TMEM132C: variants seen among roughly 807,000 people sequenced by gnomAD.
TMEM132C encodes protein phosphatase 1, regulatory subunit 152.
Under a neutral mutation model 61.4 loss-of-function variants are expected in TMEM132C, and 29 were observed. The ratio of observed to expected loss-of-function variants is 0.47; its 90% confidence interval spans 0.35 to 0.64. TMEM132C has a LOEUF of 0.64. Among genes scored for constraint, TMEM132C ranks in the 30% least tolerant of loss-of-function variants. The probability of loss-of-function intolerance (pLI) is 0.00; values close to 1 mark genes in which losing one functional copy is unlikely to be tolerated. For synonymous variants in TMEM132C, 656 were observed against 633.1 expected (o/e 1.04, Z -0.54); for missense variants, 1,408 against 1,476.9 (o/e 0.95, Z 0.76).
At chr12:128,322,583 A>C (rs559547888) in intron 1 of TMEM132C, among the ~76,000 whole-genome samples, 1 of 152,318 alleles carries the variant, frequency 6.6e-6, no homozygotes, top group South Asian at 2.1e-4. Flanking sequence ...GGTCTGAGTC[A>C]ATTTCATCTT....
intron 1 of TMEM132C, among the ~76,000 whole-genome samples, chr12:128,333,599 G>C (rs1474579304): frequency 1.3e-5 from 2 of 151,456 alleles, no homozygotes; most frequent in African/African-American, 4.9e-5. Context: ...GATGTTGTGT[G>C]TATTTGTTAG....
intron 1 of TMEM132C, among the ~76,000 whole-genome samples, chr12:128,351,432 T>G (rs1165774691): frequency 6.6e-6 from 1 of 152,206 alleles, no homozygotes; most frequent in Non-Finnish European, 1.5e-5. Flanking sequence ...CATATATTGA[T>G]ATATATGAAT....
chr12:128,342,327 A>G (rs1161320864), intron 1 of TMEM132C, among the ~76,000 whole-genome samples: 1 of 152,134 alleles, frequency 6.6e-6, no homozygotes, highest in Non-Finnish European at 1.5e-5. Flanking sequence ...CGCTTCTTTG[A>G]AATTGTTCAG....
chr12:128,282,924 G>A (rs1433116313), intron 1 of TMEM132C, among the ~76,000 whole-genome samples: 1 of 152,124 alleles, frequency 6.6e-6, no homozygotes, highest in African/African-American at 2.4e-5. Context: ...GGTTGCATGG[G>A]ATTTAAATGT....
chr12:128,539,835 A>G (rs2136144102), intron 2 of TMEM132C, among the ~76,000 whole-genome samples: 1 of 152,230 alleles, frequency 6.6e-6, no homozygotes, highest in South Asian at 2.1e-4. Context: ...TCCAAAATGT[A>G]TTGATCACGT....
In TMEM132C at chr12:128,613,587, C is replaced by T. The variant is rs147353095; in HGVS notation, c.1122-2565C>T. On this transcript the variant is annotated intron_variant, in intron 3 of 8. Transcript: ENST00000435159. ...GCAGCCCCTAGCTTGATGGTCAAGA[C>T]CTTAGATTTCTTTTCCCTCCCAGAG... is the stretch of plus-strand genomic sequence containing the variant. Among the ~76,000 whole-genome samples the T allele has an allele frequency of 1.6e-4, 24 of 152,316 alleles. No homozygotes were observed. The East Asian group carries it at 4.4e-3, about 28-fold the overall frequency.
chr12:128,675,363 A>T (rs528375985), intron 5 of TMEM132C, among the ~76,000 whole-genome samples: 6 of 152,216 alleles, frequency 3.9e-5, no homozygotes, highest in Non-Finnish European at 8.8e-5. Context: ...GGCTCAGCAA[A>T]TGGAGGCCAC....
chr12:128,331,559 C>T (rs191170106), intron 1 of TMEM132C, among the ~76,000 whole-genome samples: 122 of 152,256 alleles, frequency 8.0e-4, no homozygotes, highest in East Asian at 2.3e-3. Context: ...AGGATAATGT[C>T]CTCCAGTTCC....
intron 3 of TMEM132C, among the ~76,000 whole-genome samples, chr12:128,573,541 T>C (rs1252575457): frequency 2.0e-5 from 3 of 151,974 alleles, no homozygotes; most frequent in African/African-American, 7.3e-5. Flanking sequence ...ACATGGCACA[T>C]GTATACATAT....
intron 5 of TMEM132C, among the ~76,000 whole-genome samples, chr12:128,678,539 T>C (rs1371338520): frequency 1.3e-5 from 2 of 152,244 alleles, no homozygotes; most frequent in African/African-American, 4.8e-5. Flanking sequence ...AAGATTGTTT[T>C]GAGTTTGAAC....
chr12:128,312,861 T>C (rs1451558733), intron 1 of TMEM132C, among the ~76,000 whole-genome samples: 1 of 152,218 alleles, frequency 6.6e-6, no homozygotes, highest in Non-Finnish European at 1.5e-5. Flanking sequence ...GTGAAATCAA[T>C]GATGGTTTCC....
At chr12:128,571,955 A>G (rs1454896025) in intron 3 of TMEM132C, among the ~76,000 whole-genome samples, 1 of 152,240 alleles carries the variant, frequency 6.6e-6, no homozygotes, top group Non-Finnish European at 1.5e-5. Context: ...AGGGTAGAGA[A>G]TTACTGGCTG....
intron 2 of TMEM132C, among the ~76,000 whole-genome samples, chr12:128,527,153 G>T (rs1045115699): frequency 6.6e-6 from 1 of 152,172 alleles, no homozygotes; most frequent in Non-Finnish European, 1.5e-5. Context: ...GGAACTTTGT[G>T]CAAGAATTGG....
chr12:128,505,832 C>T (rs540054561), intron 2 of TMEM132C, among the ~76,000 whole-genome samples: 16 of 152,142 alleles, frequency 1.1e-4, no homozygotes, highest in African/African-American at 2.9e-4. Flanking sequence ...CTTGGCCTCC[C>T]TCCTGGAAGA....
chr12:128,416,856 T>A (rs941709475), intron 2 of TMEM132C, among the ~76,000 whole-genome samples: 4 of 152,238 alleles, frequency 2.6e-5, no homozygotes, highest in Non-Finnish European at 5.9e-5. Context: ...CTTGGAGGAC[T>A]GCTATGACAC....
chr12:128,388,030 T>C (rs1429581627), intron 1 of TMEM132C, among the ~76,000 whole-genome samples: 1 of 152,200 alleles, frequency 6.6e-6, no homozygotes, highest in Non-Finnish European at 1.5e-5. Flanking sequence ...CAGGTTCCTG[T>C]ATGGGTCTGA....
At chr12:128,270,334 G>T (rs1036833760) in intron 1 of TMEM132C, among the ~76,000 whole-genome samples, 2 of 152,212 alleles carry the variant, frequency 1.3e-5, no homozygotes, top group Non-Finnish European at 2.9e-5. Context: ...ATATGCATGT[G>T]TGGTATGGCA....
At chr12:128,401,541 C>T (rs1176548108) in intron 1 of TMEM132C, among the ~76,000 whole-genome samples, 2 of 152,142 alleles carry the variant, frequency 1.3e-5, no homozygotes, top group Non-Finnish European at 2.9e-5. Flanking sequence ...ATTTCACATG[C>T]AGATTGGACA....
chr12:128,694,149 TCC>T, intron 6 of TMEM132C, 115 bp downstream of exon 6: 1 of 1,219,172 alleles, frequency 8.2e-7, no homozygotes, highest in Non-Finnish European at 1.1e-6. Context: ...CAGTTGAATC[TCC>T]CCAGGGCTCC....
Sources: allele counts gnomAD v4.1 joint callset (sites outside exome capture counted in the v4.1 genomes callset), GRCh38; gene constraint gnomAD v4.1.1; transcripts MANE v1.5; gene names NCBI Gene and HGNC (gene_info 2026-07-23, HGNC 2026-07-21).